Variants in SLC9B2 observed in about 807,000 individuals in gnomAD.
SLC9B2 encodes the protein sodium/hydrogen exchanger 9B2.
In SLC9B2, 39 loss-of-function variants were observed where a neutral mutation model predicts 52.2. That is an observed-to-expected ratio of 0.75 (90% CI 0.58 to 0.98). SLC9B2 has a LOEUF of 0.98. SLC9B2 is among the 50% of genes least tolerant of loss of function. The pLI is 0.00. For synonymous variants in SLC9B2, 214 were observed against 227.0 expected (o/e 0.94, Z 0.51); for missense variants, 626 against 637.5 (o/e 0.98, Z 0.19).
intron 3 of SLC9B2, 123 bp from the exon 4 acceptor site, chr4:103,058,094 A>C: frequency 1.1e-6 from 1 of 934,834 alleles, no homozygotes; most frequent in East Asian, 2.6e-5. Context: ...AATCATGTTT[A>C]ATCTGTAAAG....
chr4:103,049,726 G>A (rs917682360), intron 5 of SLC9B2, among the ~76,000 whole-genome samples: 8 of 152,240 alleles, frequency 5.3e-5, no homozygotes, highest in Admixed American at 2.0e-4. Flanking sequence ...AAGAGAATGA[G>A]ACCGGCTGGG....
chr4:103,035,552 CA>C (rs1743095576), intron 9 of SLC9B2, among the ~76,000 whole-genome samples: 1 of 152,094 alleles, frequency 6.6e-6, no homozygotes, highest in African/African-American at 2.4e-5. Context: ...TTTGAGTAAT[CA>C]CCACACTGTC....
downstream of SLC9B2, among the ~76,000 whole-genome samples, chr4:103,018,720 T>A (rs79723528): frequency 0.011 from 1,745 of 152,202 alleles, 38 homozygotes; most frequent in African/African-American, 0.04. Flanking sequence ...CACTACTGAT[T>A]GATGTGACAG....
chr4:103,018,367 C>T (rs1741512667), downstream of SLC9B2, among the ~76,000 whole-genome samples: 1 of 152,076 alleles, frequency 6.6e-6, no homozygotes, highest in Admixed American at 6.5e-5. Flanking sequence ...TGAACTTGTA[C>T]TAACTAAATC....
chr4:103,026,132 T>A lies in SLC9B2; in HGVS notation c.*238A>T, dbSNP rs772978264. The stretch of plus-strand genomic sequence containing the variant: ...GTACATTAAAGTAGATATGTCCTTA[T>A]GCAAATTAAGATGGATGATGAAGGG... On this transcript the variant is annotated 3_prime_UTR_variant, in exon 12 of 12. Transcript: ENST00000394785. The A allele has an allele frequency of 2.4e-6, 1 of 419,894 alleles. No individual in the cohort carries two copies. The highest frequency in any genetic ancestry group is 6.4e-4 in the Middle Eastern group (1 of 1,572). 26.0% of individuals were successfully genotyped at this position (419,894 alleles called of 1,614,324 possible).
At chr4:103,072,644 G>A (rs531406391) in intron 1 of SLC9B2, among the ~76,000 whole-genome samples, 92 of 152,188 alleles carry the variant, frequency 6.0e-4, no homozygotes, top group Non-Finnish European at 5.7e-4. Context: ...ACAAATGTCC[G>A]TAGGCTCTCG....
chr4:103,057,849 A>G lies in SLC9B2; in HGVS notation c.394T>C (p.Leu132=), dbSNP rs771112564. The G allele has an allele frequency of 1.9e-6, 3 of 1,613,880 alleles. No homozygotes were observed. The South Asian group carries it at 3.3e-5, about 18-fold the overall frequency. Residue 132 remains leucine, a synonymous_variant, in exon 4 of 12, where the codon TTG becomes CTG. Coordinates refer to ENST00000394785, the MANE Select transcript of SLC9B2 (RefSeq NM_178833.7). The part of the protein sequence containing the change: ...FYCAIIGGKL[L]GLIKLPTLPP... ...AATGTAGGTAACTTAATAAGCCCCA[A>G]AAGTTTACCACCAATGATGGCACAA...
chr4:103,019,945 C>G (rs1467952619), downstream of SLC9B2: 5 of 986,418 alleles, frequency 5.1e-6, no homozygotes, highest in Non-Finnish European at 6.0e-6. Flanking sequence ...AAGCAGTGCT[C>G]GGGACTGCAT....
chr4:103,029,762 G>C (rs969974242), intron 10 of SLC9B2, among the ~76,000 whole-genome samples: 1 of 152,110 alleles, frequency 6.6e-6, no homozygotes, highest in African/African-American at 2.4e-5. Flanking sequence ...TTTGTTGAGT[G>C]TTTACTCTGT....
chr4:103,065,048 T>C (rs1560559466), intron 3 of SLC9B2, among the ~76,000 whole-genome samples: 1 of 151,400 alleles, frequency 6.6e-6, no homozygotes, highest in Non-Finnish European at 1.5e-5. Flanking sequence ...CATAACAAGA[T>C]CCTGTCTCCA....
chr4:103,060,793 T>A (rs1745572768), intron 3 of SLC9B2, among the ~76,000 whole-genome samples: 1 of 152,220 alleles, frequency 6.6e-6, no homozygotes, highest in Admixed American at 6.5e-5. Flanking sequence ...TCCAAGACCA[T>A]CTGAAAATGT....
chr4:103,042,617 A>C (rs1443465909), intron 9 of SLC9B2, among the ~76,000 whole-genome samples: 2 of 151,410 alleles, frequency 1.3e-5, no homozygotes, highest in African/African-American at 4.8e-5. Flanking sequence ...TTTAATTCAT[A>C]ATATCAGCAA....
intron 3 of SLC9B2, among the ~76,000 whole-genome samples, chr4:103,064,967 G>A (rs1029689923): frequency 6.6e-6 from 1 of 152,006 alleles, no homozygotes; most frequent in Non-Finnish European, 1.5e-5. Context: ...GTATACATCT[G>A]TAACAAGCTA....
intron 5 of SLC9B2, among the ~76,000 whole-genome samples, chr4:103,050,012 CAAA>C (rs368672958): frequency 2.5e-5 from 2 of 80,134 alleles, no homozygotes. Flanking sequence ...GACTCTGTCT[CAAA>C]AAAAAAAAAA....
chr4:103,074,902 CCCT>C (rs536200714), intron 1 of SLC9B2, among the ~76,000 whole-genome samples: 222 of 152,296 alleles, frequency 1.5e-3, no homozygotes, highest in African/African-American at 5.2e-3. Flanking sequence ...CAAACTGTCT[CCCT>C]CGTTTTCCTC....
intron 8 of SLC9B2, among the ~76,000 whole-genome samples, chr4:103,044,200 C>G (rs1289070393): frequency 6.6e-6 from 1 of 152,166 alleles, no homozygotes; most frequent in Admixed American, 6.5e-5. Context: ...AGTCACTTAT[C>G]CTGCCTAAGC....
chr4:103,067,956 T>C (rs1412950485), intron 1 of SLC9B2, among the ~76,000 whole-genome samples: 1 of 152,200 alleles, frequency 6.6e-6, no homozygotes, highest in Non-Finnish European at 1.5e-5. Context: ...CTTTCCAATG[T>C]TGATATGAGG....
intron 4 of SLC9B2, among the ~76,000 whole-genome samples, chr4:103,057,273 T>TACACAC (rs1553917193): frequency 3.5e-5 from 5 of 143,222 alleles, no homozygotes; most frequent in African/African-American, 1.3e-4. Context: ...TATATATATA[T>TACACAC]ACACACACAC....
intron 4 of SLC9B2, among the ~76,000 whole-genome samples, chr4:103,057,254 A>ATGTGTG (rs1553917172): frequency 6.2e-5 from 4 of 64,648 alleles, no homozygotes; most frequent in African/African-American, 3.6e-4. Flanking sequence ...GTATATATAT[A>ATGTGTG]TATATATATA....
Sources: allele counts gnomAD v4.1 joint callset (sites outside exome capture counted in the v4.1 genomes callset), GRCh38; gene constraint gnomAD v4.1.1; transcripts MANE v1.5; gene names NCBI Gene and HGNC (gene_info 2026-07-23, HGNC 2026-07-21).